The following SEMA3A variants were observed in gnomAD, a reference collection of about 807,000 sequenced individuals.
The protein encoded by SEMA3A is semaphorin 3A, also known as semaphorin-3A.
In SEMA3A, 29 loss-of-function variants were observed where a neutral mutation model predicts 97.9. That is an observed-to-expected ratio of 0.30 (90% CI 0.22 to 0.40). The LOEUF (loss-of-function observed/expected upper bound fraction) is 0.40, where lower values mean the gene tolerates loss of function less well. Among genes scored for constraint, SEMA3A ranks in the 10% least tolerant of loss-of-function variants. SEMA3A has a pLI of 1.00. For missense variants in SEMA3A, 763 were observed against 951.3 expected (o/e 0.80, Z 2.60); for synonymous variants, 321 against 323.7 (o/e 0.99, Z 0.09).
chr7:84,330,097 G>C (rs1189900455), intron 2 of SEMA3A, among the ~76,000 whole-genome samples: 1 of 151,954 alleles, frequency 6.6e-6, no homozygotes. Context: ...AATAACATAA[G>C]TAAAATAAAA....
chr7:84,377,957 CAT>C (rs1253229642), intron 1 of SEMA3A, among the ~76,000 whole-genome samples: 1 of 152,054 alleles, frequency 6.6e-6, no homozygotes, highest in Non-Finnish European at 1.5e-5. Flanking sequence ...TCTCCAGTAA[CAT>C]GTGGTGCTAT....
intron 1 of SEMA3A, among the ~76,000 whole-genome samples, chr7:84,456,223 C>T (rs557912761): frequency 2.6e-5 from 4 of 151,726 alleles, no homozygotes; most frequent in Non-Finnish European, 4.4e-5. Flanking sequence ...TAAAGAAATG[C>T]TTATAAAAAT....
At position 84,077,053 on chromosome 7, in the gene SEMA3A, T is replaced by G. The variant is rs573419039; in HGVS notation, c.454-16495A>C. Among the ~76,000 whole-genome samples the G allele has an allele frequency of 1.4e-4, 22 of 152,280 alleles. No individual in the cohort carries two copies. In the South Asian group the frequency reaches 4.3e-3, roughly 30 times the overall value. On this transcript the variant is annotated intron_variant, in intron 4 of 16. Transcript: ENST00000265362. The stretch of plus-strand genomic sequence containing the variant: ...CATGGTATAATTATTCAGCTATGAA[T>G]GCCTGTTAACTCCCAAGATGTATAA...
chr7:84,148,976 A>T (rs920464373), intron 1 of SEMA3A, among the ~76,000 whole-genome samples: 3 of 150,440 alleles, frequency 2.0e-5, no homozygotes. Context: ...GAAGGCTGTT[A>T]GTAGTTAAGT....
At chr7:84,001,891 C>A (rs1004988721) in intron 12 of SEMA3A, 64 bp downstream of exon 12, 20 of 1,101,882 alleles carry the variant, frequency 1.8e-5, no homozygotes, top group African/African-American at 3.1e-5. Flanking sequence ...GTTCAGTGTG[C>A]AGCTGTCCTG....
At chr7:84,185,162 A>G (rs1326220481) in intron 1 of SEMA3A, among the ~76,000 whole-genome samples, 2 of 152,352 alleles carry the variant, frequency 1.3e-5, no homozygotes, top group African/African-American at 2.4e-5. Context: ...ACACACACAT[A>G]CTAAATATAA....
At chr7:83,972,184 C>A (rs926942629) in intron 15 of SEMA3A, among the ~76,000 whole-genome samples, 1 of 151,668 alleles carries the variant, frequency 6.6e-6, no homozygotes, top group African/African-American at 2.4e-5. Context: ...GTAGAGTCAC[C>A]AGTATCTTAC....
intron 1 of SEMA3A, among the ~76,000 whole-genome samples, chr7:84,166,935 A>C (rs764761576): frequency 6.6e-6 from 1 of 151,644 alleles, no homozygotes. Flanking sequence ...ATGTTGAATT[A>C]ATAATGGACA....
intron 4 of SEMA3A, among the ~76,000 whole-genome samples, chr7:84,090,226 A>G (rs566377794): frequency 6.6e-6 from 1 of 152,272 alleles, no homozygotes; most frequent in East Asian, 1.9e-4. Context: ...TTTAAGTAAA[A>G]CTATGTGGGT....
At chr7:84,118,902 A>T (rs181421857) in intron 3 of SEMA3A, among the ~76,000 whole-genome samples, 1 of 77,822 alleles carries the variant, frequency 1.3e-5, no homozygotes, top group Admixed American at 1.7e-4. Flanking sequence ...TTCCATATCA[A>T]TCACACAGTT....
At chr7:84,311,689 G>A (rs1048073370) in intron 2 of SEMA3A, among the ~76,000 whole-genome samples, 2 of 151,740 alleles carry the variant, frequency 1.3e-5, no homozygotes, top group Non-Finnish European at 2.9e-5. Flanking sequence ...AAATGTTTTA[G>A]TTTCTATGAA....
intron 3 of SEMA3A, among the ~76,000 whole-genome samples, chr7:84,225,624 C>T (rs760477084): frequency 5.3e-5 from 8 of 152,026 alleles, no homozygotes; most frequent in Admixed American, 6.6e-5. Flanking sequence ...TCTTGTGCAA[C>T]ATATTCAATG....
At chr7:84,388,869 A>T (rs905680128) in intron 1 of SEMA3A, among the ~76,000 whole-genome samples, 4 of 152,060 alleles carry the variant, frequency 2.6e-5, no homozygotes, top group African/African-American at 9.7e-5. Flanking sequence ...CTGTGTAGAA[A>T]CAAAGCTTCG....
intron 1 of SEMA3A, among the ~76,000 whole-genome samples, chr7:84,481,734 G>A (rs1806451412): frequency 6.6e-6 from 1 of 151,954 alleles, no homozygotes; most frequent in South Asian, 2.1e-4. Context: ...AGAATAAAAT[G>A]TTACCTTTAA....
chr7:84,178,161 C>T (rs1797630157), intron 1 of SEMA3A, among the ~76,000 whole-genome samples: 1 of 152,156 alleles, frequency 6.6e-6, no homozygotes, highest in Non-Finnish European at 1.5e-5. Flanking sequence ...ACACTATTAT[C>T]TCAACTCTTG....
intron 3 of SEMA3A, among the ~76,000 whole-genome samples, chr7:84,223,109 T>C (rs1051462711): frequency 4.0e-5 from 6 of 151,856 alleles, no homozygotes; most frequent in African/African-American, 1.4e-4. Flanking sequence ...TGCACCTTCA[T>C]TAAAACTTTG....
intron 2 of SEMA3A, among the ~76,000 whole-genome samples, chr7:84,335,598 T>A (rs958176786): frequency 6.6e-6 from 1 of 152,238 alleles, no homozygotes; most frequent in East Asian, 1.9e-4. Flanking sequence ...ATGTTATTTT[T>A]AAATGATAGA....
In SEMA3A at chr7:84,464,439, T is replaced by C. The variant is rs541431639; in HGVS notation, c.-246+28021A>G. On this transcript the variant is annotated intron_variant, in intron 1 of 3. Transcript: ENST00000424555. ...CCTGGGAAGATATGGAGAAAGAACGTTCTAGGCAGAAAACAGAACCAATAC... is the reference window on the plus strand; with the variant it reads ...CCTGGGAAGATATGGAGAAAGAACGCTCTAGGCAGAAAACAGAACCAATAC... Among the ~76,000 whole-genome samples the C allele has an allele frequency of 9.9e-5, 15 of 152,226 alleles. No homozygotes were observed. The South Asian group carries it at 3.1e-3, about 32-fold the overall frequency.
intron 6 of SEMA3A, among the ~76,000 whole-genome samples, chr7:84,023,382 G>C (rs1219498754): frequency 1.3e-5 from 2 of 152,156 alleles, no homozygotes; most frequent in African/African-American, 2.4e-5. Context: ...TTTTTTCTGA[G>C]AATGAATCAA....
Sources: allele counts gnomAD v4.1 joint callset (sites outside exome capture counted in the v4.1 genomes callset), GRCh38; gene constraint gnomAD v4.1.1; transcripts MANE v1.5; gene names NCBI Gene and HGNC (gene_info 2026-07-23, HGNC 2026-07-21).